Variants in GPC1 observed in about 807,000 individuals in gnomAD.
GPC1 encodes the protein glypican 1, also known as glypican-1.
A neutral mutation model predicts 51.5 loss-of-function variants in GPC1; 26 were observed. That is an observed-to-expected ratio of 0.50 (90% CI 0.37 to 0.70). The LOEUF (loss-of-function observed/expected upper bound fraction) is 0.70, where lower values mean the gene tolerates loss of function less well. Ranked by LOEUF, GPC1 falls within the 30% of genes least tolerant of loss-of-function variation. The probability of loss-of-function intolerance (pLI) is 0.00; values close to 1 mark genes in which losing one functional copy is unlikely to be tolerated. For missense variants in GPC1, 775 were observed against 800.5 expected (o/e 0.97, Z 0.38); for synonymous variants, 380 against 348.3 (o/e 1.09, Z -1.01).
At chr2:240,456,556 C>A in intron 1 of GPC1, 1 of 466,818 alleles carries the variant, frequency 2.1e-6, no homozygotes, top group Middle Eastern at 3.3e-4. Context: ...CTGCCACCCC[C>A]TCCCCCAGGC....
chr2:240,458,998 C>A, intron 1 of GPC1, 32 bp from the exon 2 acceptor site: 1 of 1,603,948 alleles, frequency 6.2e-7, no homozygotes, highest in South Asian at 1.1e-5. Flanking sequence ...GCTGTCCCAG[C>A]CCCTCTCCCT....
intron 1 of GPC1, among the ~76,000 whole-genome samples, chr2:240,445,066 A>C (rs942902171): frequency 1.3e-5 from 2 of 152,094 alleles, no homozygotes; most frequent in African/African-American, 4.8e-5. Flanking sequence ...CAAGTCTCTC[A>C]CGTAATCCAG....
At chr2:240,441,829 A>G (rs1042686980) in intron 1 of GPC1, among the ~76,000 whole-genome samples, 2 of 152,136 alleles carry the variant, frequency 1.3e-5, no homozygotes, top group African/African-American at 4.8e-5. Flanking sequence ...CAGGCCCCAC[A>G]CCCAGGCGGG....
rs149889796 is a variant in GPC1, at chr2:240,463,476, C to G, written c.847C>G (p.Gln283Glu). The change falls in exon 4 of 9, where the codon CAG becomes GAG. Residue 283 changes from glutamine (Q) to glutamate (E), a missense_variant. Physicochemically the swap from Gln to Glu is conservative, Grantham distance 29. Coordinates refer to ENST00000264039, the MANE Select transcript of GPC1 (RefSeq NM_002081.3). ...RNVLKGCLAN[Q>E]ADLDAEWRNL... is the part of the protein sequence containing the mutation. ...TGTGCTCAAGGGCTGCCTTGCCAACCAGGCCGACCTGGACGCCGAGTGGAG... is the reference window on the plus strand; with the variant it reads ...TGTGCTCAAGGGCTGCCTTGCCAACGAGGCCGACCTGGACGCCGAGTGGAG... 2.2e-5 allele frequency: 35 copies of G among 1,613,004 alleles called. No homozygotes were observed. The highest frequency in any genetic ancestry group is 2.7e-5 in the Non-Finnish European group (32 of 1,179,952).
chr2:240,462,345 G>C lies in GPC1; in HGVS notation c.480G>C (p.Glu160Asp), dbSNP rs949351241. 1 of 1,599,940 alleles carries C rather than the reference G, an allele frequency of 6.3e-7. No homozygotes were observed. The change falls in exon 3 of 9, where the codon GAG (glutamate) becomes GAC (aspartate). Residue 160 changes from glutamate (E) to aspartate (D), a missense_variant. Transcript: ENST00000264039. The part of the protein sequence containing the change: ...LYYRGANLHL[E>D]ETLAEFWARL... ...ACCGCGGTGCCAACCTGCACCTGGA[G>C]GAGACGCTGGCCGAGTTCTGGGCCC...
At chr2:240,453,050 GC>G in intron 1 of GPC1, 1 of 339,640 alleles carries the variant, frequency 2.9e-6, no homozygotes, top group South Asian at 2.0e-5. Context: ...CGCGCTGGAA[GC>G]CAGGCCCGAG....
At chr2:240,438,562 G>A (rs1275031386) in intron 1 of GPC1, among the ~76,000 whole-genome samples, 1 of 152,188 alleles carries the variant, frequency 6.6e-6, no homozygotes, top group African/African-American at 2.4e-5. Flanking sequence ...TCCTCAGAGG[G>A]AATGCGAACC....
chr2:240,458,126 C>T (rs945438295), intron 1 of GPC1: 23 of 460,240 alleles, frequency 5.0e-5, no homozygotes, highest in Middle Eastern at 3.3e-4. Context: ...CTGTAAGCCC[C>T]GGTTTTCTGG....
Position 240,466,288 on chromosome 2 carries a change from T to A in GPC1, c.1675T>A (p.Ter559LysextTer62). ...TACAGTAGCCAGGCCCCGGTGGCGG[T>A]AACTGCCCCAAGGCCCCAGGGACAG... is the stretch of plus-strand genomic sequence containing the variant. ...ALTVARPRWR[*>K] Residue 559 changes from the stop codon to lysine, a stop_lost, in exon 9 of 9, where the codon TAA becomes AAA. Coordinates refer to ENST00000264039, the MANE Select transcript of GPC1 (RefSeq NM_002081.3). The A allele has an allele frequency of 6.4e-7, 1 of 1,557,478 alleles. No homozygotes were observed. The highest frequency in any genetic ancestry group is 8.9e-7 in the Non-Finnish European group (1 of 1,129,430).
At chr2:240,451,331 C>T (rs1336004767) in intron 1 of GPC1, 3 of 456,812 alleles carry the variant, frequency 6.6e-6, no homozygotes, top group African/African-American at 6.0e-5. Context: ...TAGCGTGCCC[C>T]CTGTGGGTGT....
intron 1 of GPC1, chr2:240,450,883 T>C: frequency 2.3e-6 from 1 of 425,788 alleles, no homozygotes; most frequent in Non-Finnish European, 4.9e-6. Flanking sequence ...GGAAGGAGCA[T>C]GGCTTGTTGG....
Position 240,435,981 on chromosome 2 carries a change from C to A in GPC1, c.63C>A (p.Ala21=). 1 of 1,364,664 alleles carries A rather than the reference C, an allele frequency of 7.3e-7. No individual in the cohort carries two copies. Among genetic ancestry groups the A allele is most frequent in the East Asian group, 3.0e-5 (1 of 33,256 alleles). The allele number at this position is 1,364,664 out of a possible 1,614,324, so 84.5% of individuals were successfully genotyped here. The change falls in exon 1 of 9, where the codon GCC becomes GCA. Residue 21 remains alanine (A), a synonymous_variant. Coordinates refer to ENST00000264039, the MANE Select transcript of GPC1 (RefSeq NM_002081.3). The stretch of plus-strand genomic sequence containing the variant: ...CGGCCGCAGCGCTGGTCGCCTGCGC[C>A]CGCGGGGACCCGGCCAGCAAGAGCC... ...LCAAAALVAC[A]RGDPASKSRS... is the part of the protein sequence containing the mutation.
In GPC1 at chr2:240,465,534, G is replaced by T; in HGVS notation, c.1330G>T (p.Val444Leu). 1 of 1,613,200 alleles carries T rather than the reference G, an allele frequency of 6.2e-7. No individual in the cohort carries two copies. ...ANQINNPEVE[V>L]DITKPDMTIR... ...CCAGATCAACAACCCCGAGGTGGAG[G>T]TGGACATCACCAAGCCGGACATGAC... Residue 444 changes from valine to leucine, a missense_variant, in exon 8 of 9, where the codon GTG becomes TTG. By Grantham distance (32) the Val-to-Leu change is conservative. Transcript: ENST00000264039.
At position 240,466,575 on chromosome 2, in the gene GPC1, C is replaced by CA; in HGVS notation, c.*286dup. 1 of 456,928 alleles carries CA rather than the reference C, an allele frequency of 2.2e-6. No individual in the cohort carries two copies. The highest frequency in any genetic ancestry group is 3.9e-6 in the Non-Finnish European group (1 of 256,256). The allele number at this position is 456,928 out of a possible 1,614,324, so 28.3% of individuals were successfully genotyped here. ...ACCTCCGGCTGCCTAGCCCTCCCCCCAGCTCCCTGCACCGCCGCAGAAGCA... is the reference window on the plus strand; with the variant it reads ...ACCTCCGGCTGCCTAGCCCTCCCCCCAAGCTCCCTGCACCGCCGCAGAAGCA... On this transcript the variant is annotated 3_prime_UTR_variant, in exon 9 of 9. Transcript: ENST00000264039.
At chr2:240,449,625 T>C (rs2074078745) in intron 1 of GPC1, 1 of 315,010 alleles carries the variant, frequency 3.2e-6, no homozygotes, top group Non-Finnish European at 6.3e-6. Context: ...TTCATGCTGT[T>C]GTGCGGCCGT....
intron 4 of GPC1, chr2:240,463,851 C>T (rs1233767696): frequency 5.8e-6 from 2 of 343,026 alleles, no homozygotes; most frequent in Admixed American, 4.5e-5. Context: ...CACATACATG[C>T]ACCGTCACAT....
Position 240,462,265 on chromosome 2 carries a change from T to C in GPC1, c.400T>C (p.Tyr134His). The C allele has an allele frequency of 6.2e-7, 1 of 1,610,968 alleles. No homozygotes were observed. Among genetic ancestry groups the C allele is most frequent in the Non-Finnish European group, 8.5e-7 (1 of 1,179,166 alleles). The change falls in exon 3 of 9, where the codon TAC becomes CAC. Residue 134 changes from tyrosine to histidine, a missense_variant. By Grantham distance (83) the Tyr-to-His change is moderately conservative. Coordinates refer to ENST00000264039, the MANE Select transcript of GPC1 (RefSeq NM_002081.3). ...ATFPGAFGELYTQNARAFRDL... is the reference protein window; with the variant it reads ...ATFPGAFGELHTQNARAFRDL... ...CTTCCCCGGCGCCTTCGGAGAGCTG[T>C]ACACGCAGAACGCGAGGGCCTTCCG...
intron 1 of GPC1, among the ~76,000 whole-genome samples, chr2:240,436,764 C>A (rs1400982637): frequency 6.6e-6 from 1 of 152,264 alleles, no homozygotes; most frequent in Non-Finnish European, 1.5e-5. Context: ...CGCGCCGGCC[C>A]CCGCCTGGCG....
At position 240,462,041 on chromosome 2, in the gene GPC1, G is replaced by A. The variant is rs551416095; in HGVS notation, c.326-150G>A. 1,464 of 769,562 alleles carry A rather than the reference G, an allele frequency of 1.9e-3. 3 individuals are homozygous for A. The highest frequency in any genetic ancestry group is 3.4e-3 in the Admixed American group (113 of 32,798). 47.7% of individuals were successfully genotyped at this position (769,562 alleles called of 1,614,324 possible). On this transcript the variant is annotated intron_variant, in intron 2 of 8. Transcript: ENST00000264039. ...TCGGGGCGCCCCATGGATGCCCACA[G>A]GGCCCACAGCCGCTGCAGTGTGGCG...
Sources: gnomAD v4.1 joint callset for allele counts (sites outside exome capture counted in the v4.1 genomes callset) on GRCh38, gnomAD v4.1.1 for gene constraint, MANE v1.5 for transcripts, NCBI Gene and HGNC (gene_info 2026-07-23, HGNC 2026-07-21) for gene names.